Variants in CLPB observed in about 807,000 individuals in gnomAD.
CLPB encodes mitochondrial disaggregase.
CLPB carries 40 observed loss-of-function variants against 78.4 expected under a neutral mutation model. The ratio of observed to expected loss-of-function variants is 0.51; its 90% CI spans 0.40 to 0.66. The LOEUF is 0.66. Ranked by LOEUF, CLPB falls within the 30% of genes least tolerant of loss-of-function variation. The probability of loss-of-function intolerance (pLI) is 0.00; values close to 1 mark genes in which losing one functional copy is unlikely to be tolerated. For missense variants in CLPB, 780 were observed against 886.9 expected (o/e 0.88, Z 1.53); for synonymous variants, 333 against 348.0 (o/e 0.96, Z 0.48).
intron 11 of CLPB, among the ~76,000 whole-genome samples, chr11:72,299,534 C>A (rs1041557651): frequency 2.5e-4 from 38 of 152,020 alleles, no homozygotes; most frequent in African/African-American, 8.7e-4. Context: ...TGTTTCATGC[C>A]CTGTACTTTT....
At chr11:72,417,757 G>T (rs1231420455) in intron 2 of CLPB, among the ~76,000 whole-genome samples, 1 of 152,156 alleles carries the variant, frequency 6.6e-6, no homozygotes, top group African/African-American at 2.4e-5. Flanking sequence ...ATACTGGAAA[G>T]GAAATGAGGC....
chr11:72,379,048 G>A (rs780715031), intron 4 of CLPB, among the ~76,000 whole-genome samples: 8 of 152,172 alleles, frequency 5.3e-5, no homozygotes, highest in African/African-American at 1.9e-4. Flanking sequence ...AACTTTACCT[G>A]GGCAGCAATG....
intron 5 of CLPB, among the ~76,000 whole-genome samples, chr11:72,333,791 G>A (rs1353965715): frequency 6.6e-6 from 1 of 152,206 alleles, no homozygotes. Context: ...CTGGCGCTCA[G>A]CACTGAGCGG....
chr11:72,372,849 A>C, intron 4 of CLPB: 1 of 1,324,150 alleles, frequency 7.6e-7, no homozygotes, highest in South Asian at 1.2e-5. Context: ...TACTGAGTAA[A>C]AGAGATAGTC....
intron 3 of CLPB, among the ~76,000 whole-genome samples, chr11:72,397,495 G>C (rs959821124): frequency 6.6e-6 from 1 of 152,104 alleles, no homozygotes; most frequent in Non-Finnish European, 1.5e-5. Context: ...TCCTATCAGT[G>C]ATGTATCAAT....
intron 3 of CLPB, among the ~76,000 whole-genome samples, chr11:72,397,423 T>C (rs1010896352): frequency 3.9e-5 from 6 of 152,254 alleles, no homozygotes; most frequent in Non-Finnish European, 8.8e-5. Flanking sequence ...ATGGTAAATG[T>C]ATACTTTACC....
intron 5 of CLPB, among the ~76,000 whole-genome samples, chr11:72,345,932 A>C (rs1950504479): frequency 6.6e-6 from 1 of 152,216 alleles, no homozygotes; most frequent in Admixed American, 6.5e-5. Context: ...GCAGTTCTGA[A>C]GCTTTTTAAG....
rs141802534 is a variant in CLPB, at chr11:72,366,375, C to A, written c.647-7367G>T. Among the ~76,000 whole-genome samples the A allele has an allele frequency of 6.1e-3, 922 of 152,078 alleles. 14 individuals are homozygous for A. The highest frequency in any genetic ancestry group is 0.021 in the African/African-American group (884 of 41,466). On this transcript the variant is annotated intron_variant, in intron 4 of 15. Transcript: ENST00000538039. ...GATTACAGGTGTGCACCACCACACCCGGCTAATTTTTGTATTTTTAGAAAA... is the reference window on the plus strand; with the variant it reads ...GATTACAGGTGTGCACCACCACACCAGGCTAATTTTTGTATTTTTAGAAAA...
At chr11:72,364,286 C>G (rs1348487541) in intron 4 of CLPB, among the ~76,000 whole-genome samples, 1 of 152,142 alleles carries the variant, frequency 6.6e-6, no homozygotes. Context: ...CTCCGCAACA[C>G]TGCAACCACT....
At chr11:72,400,269 G>A (rs1205741003) in intron 3 of CLPB, among the ~76,000 whole-genome samples, 1 of 152,174 alleles carries the variant, frequency 6.6e-6, no homozygotes, top group East Asian at 1.9e-4. Flanking sequence ...CAACCCAAGA[G>A]TGTGCTATTT....
intron 2 of CLPB, among the ~76,000 whole-genome samples, chr11:72,403,475 CT>C (rs1345996038): frequency 2.0e-5 from 3 of 152,192 alleles, no homozygotes; most frequent in African/African-American, 7.2e-5. Flanking sequence ...TAATACAATC[CT>C]TGTGGCTCGT....
chr11:72,294,269 T>G, intron 14 of CLPB, 56 bp downstream of exon 14: 2 of 1,613,884 alleles, frequency 1.2e-6, no homozygotes, highest in Non-Finnish European at 1.7e-6. Context: ...AGTCCAGTGT[T>G]CCAGATTTCC....
At chr11:72,421,870 C>A (rs908353198) in intron 2 of CLPB, among the ~76,000 whole-genome samples, 3 of 152,204 alleles carry the variant, frequency 2.0e-5, no homozygotes, top group South Asian at 2.1e-4. Flanking sequence ...CCAGGCACTA[C>A]GCCACTCTGT....
At chr11:72,399,971 A>G (rs1855515447) in intron 3 of CLPB, among the ~76,000 whole-genome samples, 1 of 152,144 alleles carries the variant, frequency 6.6e-6, no homozygotes. Flanking sequence ...AATGAGGCCT[A>G]CTCACCCTGA....
chr11:72,294,035 G>A lies in CLPB; in HGVS notation c.1772C>T (p.Ser591Phe). The change falls in exon 15 of 16, where the codon TCC (serine) becomes TTC (phenylalanine). Residue 591 changes from serine (S) to phenylalanine (F), a missense_variant. Around this residue, in one of 3 missense-constraint regions of CLPB, gnomAD observed 272 missense variants for 304.0 expected, o/e 0.89. Coordinates refer to ENST00000538039, the MANE Select transcript of CLPB (RefSeq NM_001258392.3). ...DGYNVHYGAR[S>F]IKHEVERRVV... ...TCCTGTGCTCACCTCATGTTTGATG[G>A]AGCGGGCGCCATAGTGCACATTGTA... is the stretch of plus-strand genomic sequence containing the variant. 6.2e-7 allele frequency: 1 copy of A among 1,613,934 alleles called. No individual in the cohort carries two copies. The highest frequency in any genetic ancestry group is 1.3e-5 in the African/African-American group (1 of 75,046).
At chr11:72,317,047 G>C in intron 7 of CLPB, 59 bp downstream of exon 7, 2 of 1,218,798 alleles carry the variant, frequency 1.6e-6, no homozygotes, top group South Asian at 2.9e-5. Flanking sequence ...GTTTGGTGAC[G>C]ACAGGATGTA....
At chr11:72,297,636 GGTGTGTGTGTGTGTGT>G (rs67807556) in intron 11 of CLPB, among the ~76,000 whole-genome samples, 2,692 of 93,448 alleles carry the variant, frequency 0.029, 165 homozygotes, top group Admixed American at 0.15. Flanking sequence ...TTGGGGACCA[GGTGTGTGTGTGTGTGT>G]GTGTGTGTGT....
Position 72,286,723 on chromosome 11 carries a change from T to G in CLPB, c.*6644A>C, listed in dbSNP as rs1949394663. The G allele has an allele frequency of 6.6e-6, 1 of 152,206 alleles. No individual in the cohort carries two copies. Among genetic ancestry groups the G allele is most frequent in the African/African-American group, 2.4e-5 (1 of 41,426 alleles). The allele number at this position is 152,206 out of a possible 1,614,324, so 9.4% of individuals were successfully genotyped here. ...TCCAGACCTAGGTGATCCACCTGCC[T>G]GGGCCTCCCAAAGTGTTGGAATTAC... On this transcript the variant is annotated 3_prime_UTR_variant, in exon 16 of 16. Transcript: ENST00000538039.
chr11:72,409,751 G>C (rs1855820461), intron 2 of CLPB, among the ~76,000 whole-genome samples: 1 of 152,182 alleles, frequency 6.6e-6, no homozygotes, highest in Non-Finnish European at 1.5e-5. Flanking sequence ...ACGGAGGCGG[G>C]TGGATTACCT....
Sources: gnomAD v4.1 joint callset for allele counts (sites outside exome capture counted in the v4.1 genomes callset) on GRCh38, gnomAD v4.1.1 for gene constraint, gnomAD v4.1.1 regional missense constraint, MANE v1.5 for transcripts, NCBI Gene and HGNC (gene_info 2026-07-23, HGNC 2026-07-21) for gene names.